PTPRN2: variants seen among roughly 807,000 people sequenced by gnomAD.
The protein encoded by PTPRN2 is protein tyrosine phosphatase receptor type N2, also known as receptor-type tyrosine-protein phosphatase N2.
In PTPRN2, 74 loss-of-function variants were observed where a neutral mutation model predicts 118.8. That is an observed-to-expected ratio of 0.62 (90% CI 0.52 to 0.76). The LOEUF (loss-of-function observed/expected upper bound fraction) is 0.76, where lower values mean the gene tolerates loss of function less well. Among genes scored for constraint, PTPRN2 ranks in the 30% least tolerant of loss-of-function variants. The probability of loss-of-function intolerance (pLI) is 0.00; values close to 1 mark genes in which losing one functional copy is unlikely to be tolerated. For synonymous variants in PTPRN2, 641 were observed against 608.0 expected (o/e 1.05, Z -0.80); for missense variants, 1,481 against 1,394.4 (o/e 1.06, Z -0.99).
chr7:158,177,122 G>A (rs1413490939), intron 5 of PTPRN2, among the ~76,000 whole-genome samples: 2 of 152,344 alleles, frequency 1.3e-5, no homozygotes, highest in African/African-American at 4.8e-5. Context: ...GACATCCAGA[G>A]GGGAACTGCT....
At chr7:158,389,153 G>GC (rs1399135088) in intron 2 of PTPRN2, among the ~76,000 whole-genome samples, 10 of 152,354 alleles carry the variant, frequency 6.6e-5, no homozygotes, top group Non-Finnish European at 1.2e-4. Flanking sequence ...CCACACCTGG[G>GC]CCCTGAAGCC....
chr7:158,274,284 C>A (rs1319222198), intron 3 of PTPRN2, among the ~76,000 whole-genome samples: 1 of 139,652 alleles, frequency 7.2e-6, no homozygotes, highest in Non-Finnish European at 1.5e-5. Flanking sequence ...CAGGGGGAGA[C>A]GCAGACACAG....
At chr7:158,365,410 C>G (rs942254360) in intron 2 of PTPRN2, among the ~76,000 whole-genome samples, 11 of 152,308 alleles carry the variant, frequency 7.2e-5, no homozygotes, top group African/African-American at 2.6e-4. Context: ...CCTTCTCTTC[C>G]CTTTGTCTCT....
At chr7:158,267,478 A>G (rs1476276067) in intron 3 of PTPRN2, among the ~76,000 whole-genome samples, 1 of 152,144 alleles carries the variant, frequency 6.6e-6, no homozygotes, top group African/African-American at 2.4e-5. Context: ...GAGGAATTCC[A>G]GGTGTCAAAG....
At chr7:158,203,803 A>G (rs1826869237) in intron 4 of PTPRN2, among the ~76,000 whole-genome samples, 1 of 152,250 alleles carries the variant, frequency 6.6e-6, no homozygotes, top group South Asian at 2.1e-4. Flanking sequence ...ACACAGCTCA[A>G]GTTGAAAACA....
chr7:157,664,994 G>A (rs1281570779), intron 13 of PTPRN2, among the ~76,000 whole-genome samples: 1 of 152,194 alleles, frequency 6.6e-6, no homozygotes, highest in East Asian at 1.9e-4. Flanking sequence ...GAGGCCTGTG[G>A]GCCACACGAG....
intron 5 of PTPRN2, among the ~76,000 whole-genome samples, chr7:158,168,347 A>G (rs1485295885): frequency 6.6e-6 from 1 of 152,224 alleles, no homozygotes; most frequent in Non-Finnish European, 1.5e-5. Context: ...TCCCAGACAC[A>G]TTCATGAGGC....
At chr7:158,298,700 G>A (rs1461946601) in intron 3 of PTPRN2, among the ~76,000 whole-genome samples, 2 of 152,116 alleles carry the variant, frequency 1.3e-5, no homozygotes, top group East Asian at 3.9e-4. Context: ...AGCAGGATGT[G>A]CCAAAGTTGT....
intron 11 of PTPRN2, among the ~76,000 whole-genome samples, chr7:157,911,384 GA>G (rs1351961926): frequency 6.6e-6 from 1 of 152,142 alleles, no homozygotes; most frequent in East Asian, 1.9e-4. Flanking sequence ...GACGTTTAGG[GA>G]GATAAACTAG....
intron 1 of PTPRN2, among the ~76,000 whole-genome samples, chr7:158,577,342 C>G (rs1828389528): frequency 1.4e-5 from 2 of 140,346 alleles, no homozygotes; most frequent in East Asian, 4.4e-4. Context: ...GGGCTGCCCA[C>G]CCTGCCTGAT....
intron 11 of PTPRN2, among the ~76,000 whole-genome samples, chr7:158,049,772 G>A (rs1014329544): frequency 6.6e-6 from 1 of 152,096 alleles, no homozygotes. Flanking sequence ...GCGTGGTGGC[G>A]GGCACCTATA....
chr7:158,195,484 T>A (rs955453811), intron 4 of PTPRN2, among the ~76,000 whole-genome samples: 2 of 152,228 alleles, frequency 1.3e-5, no homozygotes, highest in Non-Finnish European at 2.9e-5. Context: ...TGTGAGTTTA[T>A]CATTTTTATC....
At chr7:157,783,582 T>C (rs1386259914) in intron 12 of PTPRN2, among the ~76,000 whole-genome samples, 2 of 150,386 alleles carry the variant, frequency 1.3e-5, no homozygotes, top group African/African-American at 2.5e-5. Flanking sequence ...GCGGAGTCCA[T>C]ACTAAAGTTG....
chr7:158,160,727 T>C (rs1249726132), intron 6 of PTPRN2, among the ~76,000 whole-genome samples: 1 of 152,166 alleles, frequency 6.6e-6, no homozygotes, highest in Non-Finnish European at 1.5e-5. Flanking sequence ...CAGAGGGACA[T>C]GCTTTTATAC....
At chr7:158,534,661 C>T (rs948790807) in intron 1 of PTPRN2, among the ~76,000 whole-genome samples, 6 of 152,208 alleles carry the variant, frequency 3.9e-5, no homozygotes, top group African/African-American at 9.7e-5. Flanking sequence ...CACATCTCTG[C>T]GAAGCTCCCC....
intron 12 of PTPRN2, among the ~76,000 whole-genome samples, chr7:157,840,673 C>G (rs1808357302): frequency 6.6e-6 from 1 of 152,188 alleles, no homozygotes; most frequent in Admixed American, 6.5e-5. Flanking sequence ...AGTGGATGAC[C>G]CGATGCTGAC....
Position 158,022,902 on chromosome 7 carries a change from G to A in PTPRN2, c.1723+58396C>T, listed in dbSNP as rs116953158. Among the ~76,000 whole-genome samples the A allele has an allele frequency of 0.033, 4,997 of 152,286 alleles. 146 individuals carry two copies. Among genetic ancestry groups the A allele is most frequent in the Admixed American group, 0.084 (1,292 of 15,304 alleles). On this transcript the variant is annotated intron_variant, in intron 11 of 22. Coordinates refer to ENST00000389418, the MANE Select transcript of PTPRN2 (RefSeq NM_002847.5). The surrounding 1 kb of genome is among the most constrained non-coding windows in gnomAD (Gnocchi z 4.6). ...GATCAAGAGTAGCGTTTCCCTCCAC[G>A]GTTGCCCAATTTCACCTTGTTCTGC...
chr7:158,479,665 G>C (rs899105007), intron 2 of PTPRN2, among the ~76,000 whole-genome samples: 2 of 151,916 alleles, frequency 1.3e-5, no homozygotes, highest in African/African-American at 4.8e-5. Flanking sequence ...AGAGATCTAC[G>C]CTCTGTGAAT....
chr7:158,453,049 C>G (rs1377020013), intron 2 of PTPRN2, among the ~76,000 whole-genome samples: 12 of 152,042 alleles, frequency 7.9e-5, no homozygotes, highest in African/African-American at 2.9e-4. Context: ...TAAATGTTGG[C>G]TAACACAGCC....
Sources: gnomAD v4.1 joint callset for allele counts (sites outside exome capture counted in the v4.1 genomes callset) on GRCh38, gnomAD v4.1.1 for gene constraint, Gnocchi (gnomAD v3.1) non-coding constraint, MANE v1.5 for transcripts, NCBI Gene and HGNC (gene_info 2026-07-23, HGNC 2026-07-21) for gene names.